The following TRIM31 variants were observed in gnomAD, a reference collection of about 807,000 sequenced individuals.
The protein encoded by TRIM31 is E3 ubiquitin-protein ligase TRIM31.
In TRIM31, 31 loss-of-function variants were observed where a neutral mutation model predicts 40.6. That is an observed-to-expected ratio of 0.76 (90% confidence interval 0.57 to 1.03). The LOEUF is 1.03. Among genes scored for constraint, TRIM31 ranks in the 50% least tolerant of loss-of-function variants. TRIM31 has a pLI of 0.00. For missense variants in TRIM31, 455 were observed against 497.5 expected (o/e 0.91, Z 0.81); for synonymous variants, 164 against 193.9 (o/e 0.85, Z 1.28).
chr6:30,108,595 C>A (rs757433585), intron 5 of TRIM31, among the ~76,000 whole-genome samples: 1 of 140,166 alleles, frequency 7.1e-6, no homozygotes, highest in Non-Finnish European at 1.5e-5. Flanking sequence ...GAAGACCTGG[C>A]GGTTAAGGGA....
chr6:30,110,960 A>G (rs1171642890), intron 3 of TRIM31, among the ~76,000 whole-genome samples: 1 of 151,628 alleles, frequency 6.6e-6, no homozygotes, highest in East Asian at 1.9e-4. Context: ...TCTTTCATAT[A>G]GATTTTATTC....
At chr6:30,105,864 G>A (rs1175390206) in intron 6 of TRIM31, among the ~76,000 whole-genome samples, 1 of 152,192 alleles carries the variant, frequency 6.6e-6, no homozygotes, top group Non-Finnish European at 1.5e-5. Context: ...CCTACTGTAG[G>A]GCTAACCACC....
In TRIM31 at chr6:30,103,645, G is replaced by A; in HGVS notation, c.1169C>T (p.Ser390Phe). The A allele has an allele frequency of 6.2e-7, 1 of 1,613,036 alleles. No homozygotes were observed. The highest frequency in any genetic ancestry group is 8.5e-7 in the Non-Finnish European group (1 of 1,180,036). The change falls in exon 9 of 9, where the codon TCT (serine) becomes TTT (phenylalanine). Residue 390 changes from serine to phenylalanine, a missense_variant. Transcript: ENST00000376734. ...YDEISGQGAS[S>F]QDTKTFDVAL... The stretch of plus-strand genomic sequence containing the variant: ...AACGTCAAATGTCTTCGTATCCTGA[G>A]AGCTCGCTCCTTGACCAGAAATCTC...
At chr6:30,112,277 C>T in intron 2 of TRIM31, 112 bp downstream of exon 2, 1 of 1,319,818 alleles carries the variant, frequency 7.6e-7, no homozygotes, top group Admixed American at 2.4e-5. Context: ...CACTCAAGCC[C>T]AAGGGGTGGG....
At chr6:30,105,830 G>A (rs1768624404) in intron 6 of TRIM31, among the ~76,000 whole-genome samples, 1 of 152,228 alleles carries the variant, frequency 6.6e-6, no homozygotes, top group South Asian at 2.1e-4. Flanking sequence ...GTGCCTTGAG[G>A]CTTCACCCTT....
chr6:30,110,544 G>C lies in TRIM31; in HGVS notation c.648C>G (p.His216Gln), dbSNP rs1769193851. 1 of 1,614,164 alleles carries C rather than the reference G, an allele frequency of 6.2e-7. No individual in the cohort carries two copies. Among genetic ancestry groups the C allele is most frequent in the Admixed American group, 1.7e-5 (1 of 60,034 alleles). ...LGHEGTEAGK[H>Q]YVASTEPQLN... ...ACTGTGGCTCAGTGGAGGCAACATA[G>C]TGTTTCCCCGCTTCCGTTCCCTCAT... Residue 216 changes from histidine (H) to glutamine (Q), a missense_variant, in exon 4 of 9, where the codon CAC (histidine) becomes CAG (glutamine). Coordinates refer to ENST00000376734, the MANE Select transcript of TRIM31 (RefSeq NM_007028.5).
rs748621989 is a variant in TRIM31, at chr6:30,112,486, T to C, written c.320A>G (p.Glu107Gly). 1.2e-6 allele frequency: 2 copies of C among 1,613,048 alleles called. No homozygotes were observed. Among genetic ancestry groups the C allele is most frequent in the African/African-American group, 2.7e-5 (2 of 74,950 alleles). Residue 107 changes from glutamate to glycine, a missense_variant, in exon 2 of 9, where the codon GAG becomes GGG. Coordinates refer to ENST00000376734, the MANE Select transcript of TRIM31 (RefSeq NM_007028.5). Reference protein sequence around the residue: ...RHQEMFHYFCEDDGKFLCFVC... With the variant: ...RHQEMFHYFCGDDGKFLCFVC... ...AAAACAGAGGAACTTCCCATCATCC[T>C]CGCAGAAATAGTGGAACATCTCCTG...
intron 8 of TRIM31, 146 bp downstream of exon 8, chr6:30,103,956 G>C: frequency 1.5e-6 from 2 of 1,372,056 alleles, no homozygotes; most frequent in Non-Finnish European, 1.0e-6. Flanking sequence ...CCTGGCAGAG[G>C]TGTAATTTGG....
At chr6:30,108,387 G>A (rs187852981) in intron 5 of TRIM31, among the ~76,000 whole-genome samples, 9 of 151,768 alleles carry the variant, frequency 5.9e-5, no homozygotes, top group South Asian at 2.1e-4. Context: ...GGTAAAACCT[G>A]GTCTCTACTA....
chr6:30,104,125 G>A lies in TRIM31; in HGVS notation c.1001C>T (p.Ser334Leu). The stretch of plus-strand genomic sequence containing the variant: ...ACCTGCAGAAGATGACCCGGGCTCT[G>A]AGGTTTTGTTCATTTTATGATTATT... ...QKNNHKMNKT[S>L]EPGSSSAGGR... The change falls in exon 8 of 9, where the codon TCA becomes TTA. Residue 334 changes from serine (S) to leucine (L), a missense_variant. Physicochemically the swap from Ser to Leu is moderately radical, Grantham distance 145. Coordinates refer to ENST00000376734, the MANE Select transcript of TRIM31 (RefSeq NM_007028.5). 1 of 1,613,058 alleles carries A rather than the reference G, an allele frequency of 6.2e-7. No individual in the cohort carries two copies. Among genetic ancestry groups the A allele is most frequent in the Non-Finnish European group, 8.5e-7 (1 of 1,180,034 alleles).
Position 30,113,077 on chromosome 6 carries a change from GA to G in TRIM31, c.-98del. The G allele has an allele frequency of 2.2e-6, 1 of 453,634 alleles. No individual in the cohort carries two copies. Among genetic ancestry groups the G allele is most frequent in the Non-Finnish European group, 3.8e-6 (1 of 260,798 alleles). The allele number at this position is 453,634 out of a possible 1,614,324, so 28.1% of individuals were successfully genotyped here. On this transcript the variant is annotated 5_prime_UTR_variant, in exon 1 of 9. Transcript: ENST00000376734. ...GGGCAGTCCTACCTTGCTACCTCTT[GA>G]GAACAAATGGATACTTTGAATGTGT...
chr6:30,107,956 G>T lies in TRIM31; in HGVS notation c.883+97C>A, dbSNP rs769018135. On this transcript the variant is annotated intron_variant, in intron 6 of 8. Transcript: ENST00000376734. ...CTGGCACTAGAAGGGCCCAGGGATT[G>T]TTGGCATGTATGAGTCACAGTTCCA... The T allele has an allele frequency of 8.5e-6, 7 of 825,786 alleles. No individual in the cohort carries two copies. The Admixed American group carries it at 8.7e-5, about 10-fold the overall frequency. The allele number at this position is 825,786 out of a possible 1,614,324, so 51.2% of individuals were successfully genotyped here.
intron 5 of TRIM31, chr6:30,108,687 A>T (rs913757051): frequency 2.1e-6 from 1 of 466,952 alleles, no homozygotes; most frequent in Non-Finnish European, 3.9e-6. Flanking sequence ...GGAAATGAAG[A>T]TGGGAGATGG....
intron 7 of TRIM31, 94 bp from the exon 8 acceptor site, chr6:30,104,261 C>T (rs1270600377): frequency 1.6e-6 from 2 of 1,283,690 alleles, no homozygotes; most frequent in Non-Finnish European, 1.1e-6. Flanking sequence ...TCAATCAGAA[C>T]AGTCAATGGT....
chr6:30,110,236 T>C (rs1292500603), intron 4 of TRIM31, among the ~76,000 whole-genome samples: 1 of 152,252 alleles, frequency 6.6e-6, no homozygotes, highest in African/African-American at 2.4e-5. Flanking sequence ...CATTTCTAAA[T>C]CACACATGTG....
At chr6:30,103,836 G>A (rs372159396) in intron 8 of TRIM31, 47 bp from the exon 9 acceptor site, 4 of 1,608,922 alleles carry the variant, frequency 2.5e-6, no homozygotes, top group East Asian at 2.2e-5. Context: ...GGAGCACCTC[G>A]GCAGCAATCC....
At chr6:30,111,107 T>G (rs559291312) in intron 3 of TRIM31, 1 of 187,390 alleles carries the variant, frequency 5.3e-6, no homozygotes, top group South Asian at 1.2e-4. Flanking sequence ...CACGGCTCAC[T>G]GCAGCCTCAT....
chr6:30,110,824 G>A, intron 3 of TRIM31, 146 bp from the exon 4 acceptor site: 2 of 752,198 alleles, frequency 2.7e-6, no homozygotes, highest in East Asian at 2.7e-5. Flanking sequence ...AAGGAAAGGA[G>A]AGGAGAACAA....
At chr6:30,111,560 T>G (rs902473708) in intron 3 of TRIM31, 88 bp downstream of exon 3, 1 of 1,351,006 alleles carries the variant, frequency 7.4e-7, no homozygotes, top group Admixed American at 1.9e-5. Context: ...CTGGATCTTT[T>G]TCTGAGGGGT....
Sources: gnomAD v4.1 joint callset for allele counts (sites outside exome capture counted in the v4.1 genomes callset) on GRCh38, gnomAD v4.1.1 for gene constraint, MANE v1.5 for transcripts, NCBI Gene and HGNC (gene_info 2026-07-23, HGNC 2026-07-21) for gene names.